The following EDRF1 variants were observed in gnomAD, a reference collection of about 807,000 sequenced individuals.
EDRF1 encodes erythroid differentiation-related factor 1.
In EDRF1, 69 loss-of-function variants were observed where a neutral mutation model predicts 148.7. The observed-to-expected ratio is 0.46, with a 90% CI of 0.38 to 0.57. The LOEUF (loss-of-function observed/expected upper bound fraction) is 0.57. Ranked by LOEUF, EDRF1 falls within the 20% of genes least tolerant of loss-of-function variation. The pLI, the probability that EDRF1 is intolerant of heterozygous loss-of-function variation, is 0.00. For synonymous variants in EDRF1, 515 were observed against 532.8 expected, an observed-to-expected ratio of 0.97 and a Z score of 0.46; for missense variants, 1,118 against 1,478.7, an observed-to-expected ratio of 0.76 and a Z score of 4.00.
intron 24 of EDRF1, among the ~76,000 whole-genome samples, chr10:125,757,890 C>G (rs963603353): frequency 6.6e-6 from 1 of 152,176 alleles, no homozygotes; most frequent in Non-Finnish European, 1.5e-5. Context: ...TTGAGTGTGT[C>G]GTGATGGCTT....
intron 24 of EDRF1, among the ~76,000 whole-genome samples, chr10:125,760,243 A>G (rs1348867602): frequency 1.3e-5 from 2 of 152,256 alleles, no homozygotes; most frequent in Non-Finnish European, 2.9e-5. Flanking sequence ...TAATATAAAT[A>G]TATGATACAT....
Position 125,730,327 on chromosome 10 carries a change from C to T in EDRF1, c.1056C>T (p.Asp352=). Residue 352 remains aspartate (D), a synonymous_variant, in exon 9 of 25, where the codon GAC becomes GAT. Coordinates refer to ENST00000356792, the MANE Select transcript of EDRF1 (RefSeq NM_001202438.2). ...CAATTAATGTGCTAACTGGAATTGA[C>T]TATTGGTTGGACAACTTGATATGCA... ...NKPINVLTGI[D]YWLDNLICNV... The T allele has an allele frequency of 6.2e-7, 1 of 1,613,874 alleles. No homozygotes were observed. Among genetic ancestry groups the T allele is most frequent in the Non-Finnish European group, 8.5e-7 (1 of 1,179,836 alleles).
At chr10:125,758,617 G>A (rs954597629) in intron 24 of EDRF1, among the ~76,000 whole-genome samples, 1 of 152,112 alleles carries the variant, frequency 6.6e-6, no homozygotes, top group Non-Finnish European at 1.5e-5. Flanking sequence ...AGCAGTCCTC[G>A]TGTGTAGGGT....
chr10:125,754,402 T>C (rs971017813), intron 24 of EDRF1, among the ~76,000 whole-genome samples: 1 of 152,236 alleles, frequency 6.6e-6, no homozygotes, highest in Non-Finnish European at 1.5e-5. Context: ...GGGCAAATAC[T>C]CTGTTGTTAA....
rs576880179 is a variant in EDRF1 at position 125,729,601 on chromosome 10, G to A, written c.1016+122G>A. On this transcript the variant is annotated intron_variant, in intron 8 of 24. Coordinates refer to ENST00000356792, the MANE Select transcript of EDRF1 (RefSeq NM_001202438.2). ...CATGCTACCGCACTCCAGCCTAGGCGAAAGAGCAAGACTCGTCTCAAAAAA... is the reference window on the plus strand; with the variant it reads ...CATGCTACCGCACTCCAGCCTAGGCAAAAGAGCAAGACTCGTCTCAAAAAA... The A allele has an allele frequency of 4.6e-5, 56 of 1,228,710 alleles. No homozygotes were observed. In the African/African-American group the frequency reaches 6.4e-4, roughly 14 times the overall value. 76.1% of individuals were successfully genotyped at this position (1,228,710 alleles called of 1,614,324 possible).
intron 21 of EDRF1, chr10:125,748,225 A>T: frequency 1.6e-6 from 1 of 619,892 alleles, no homozygotes; most frequent in South Asian, 1.9e-5. Flanking sequence ...GGGAAAACGA[A>T]TCCGCTGTTG....
In EDRF1 at chr10:125,747,912, A is replaced by AT. The variant is rs1187997695; in HGVS notation, c.3024dup (p.Val1009CysfsTer36). ...ATGATGAAGTCCCTAAAATACTGCG[A>AT]TGTGGATTCAGTGTCTGCTCGACAG... On this transcript the variant is annotated frameshift_variant, in exon 21 of 25. Coordinates refer to ENST00000356792, the MANE Select transcript of EDRF1 (RefSeq NM_001202438.2). LOFTEE classifies it high-confidence loss of function. 1.7e-5 allele frequency: 28 copies of AT among 1,614,230 alleles called. No homozygotes were observed. Among genetic ancestry groups the AT allele is most frequent in the Non-Finnish European group, 2.4e-5 (28 of 1,180,040 alleles).
chr10:125,726,086 G>C (rs1412020969), intron 6 of EDRF1, among the ~76,000 whole-genome samples: 1 of 151,982 alleles, frequency 6.6e-6, no homozygotes, highest in Non-Finnish European at 1.5e-5. Context: ...TATAATAGTT[G>C]ACTGATATGT....
At chr10:125,749,336 A>G in intron 21 of EDRF1, 76 bp from the exon 22 acceptor site, 2 of 1,558,518 alleles carry the variant, frequency 1.3e-6, no homozygotes, top group Admixed American at 3.3e-5. Flanking sequence ...GTGGGGGAAA[A>G]ATAACTAAGA....
intron 18 of EDRF1, among the ~76,000 whole-genome samples, chr10:125,744,211 G>A (rs951279161): frequency 4.0e-5 from 6 of 150,220 alleles, no homozygotes; most frequent in African/African-American, 1.2e-4. Context: ...TTTTGGTTTT[G>A]GTTGTTTCTT....
chr10:125,757,613 T>G (rs1216994970), intron 24 of EDRF1, among the ~76,000 whole-genome samples: 1 of 152,252 alleles, frequency 6.6e-6, no homozygotes, highest in Admixed American at 6.5e-5. Flanking sequence ...CATTTAGCAT[T>G]TGTAGGTGTG....
intron 17 of EDRF1, chr10:125,742,097 G>A (rs1849053400): frequency 1.7e-6 from 1 of 601,640 alleles, no homozygotes; most frequent in Non-Finnish European, 2.7e-6. Flanking sequence ...ATAACAGTTG[G>A]TGAAGGAGGT....
At chr10:125,745,656 G>A in intron 18 of EDRF1, 51 bp from the exon 19 acceptor site, 1 of 1,586,764 alleles carries the variant, frequency 6.3e-7, no homozygotes, top group Non-Finnish European at 8.6e-7. Flanking sequence ...CAGTGCTAAG[G>A]TTTACACTGA....
At chr10:125,730,018 G>C (rs1485432260) in intron 8 of EDRF1, among the ~76,000 whole-genome samples, 1 of 152,188 alleles carries the variant, frequency 6.6e-6, no homozygotes, top group African/African-American at 2.4e-5. Flanking sequence ...GCAGGCAGTA[G>C]GCTCACCGTC....
chr10:125,753,041 C>T, intron 23 of EDRF1, 127 bp downstream of exon 23: 1 of 695,716 alleles, frequency 1.4e-6, no homozygotes, highest in Middle Eastern at 2.4e-4. Flanking sequence ...ATGCTATGCA[C>T]TAAAACATTT....
intron 22 of EDRF1, among the ~76,000 whole-genome samples, chr10:125,750,926 C>CT (rs1046904423): frequency 1.3e-5 from 2 of 152,000 alleles, no homozygotes; most frequent in African/African-American, 4.8e-5. Flanking sequence ...GATCAAGCAT[C>CT]TTTTTTGTTG....
chr10:125,751,404 G>GTTTTTTTTTTTTTTTTTTTTT (rs60964364), intron 22 of EDRF1, among the ~76,000 whole-genome samples: 2 of 140,700 alleles, frequency 1.4e-5, no homozygotes, highest in Non-Finnish European at 1.5e-5. Context: ...TTTACCCAGT[G>GTTTTTTTTTTTTTTTTTTTTT]TTTTTTTTTT....
Position 125,729,038 on chromosome 10 carries a change from G to A in EDRF1, c.828G>A (p.Gly276=), listed in dbSNP as rs913380643. ...CTCTTGAACCCTCATACATAGTGGG[G>A]CATGTGGCCTCAGCCCCCAAAGAAC... The part of the protein sequence containing the change: ...SEPLEPSYIV[G]HVASAPKEQN... The change falls in exon 7 of 25, where the codon GGG becomes GGA. Residue 276 remains glycine (G), a synonymous_variant. Transcript: ENST00000356792. 3 of 1,583,044 alleles carry A rather than the reference G, an allele frequency of 1.9e-6. No individual in the cohort carries two copies. Among genetic ancestry groups the A allele is most frequent in the African/African-American group, 1.3e-5 (1 of 74,696 alleles).
In EDRF1 at chr10:125,725,455, T is replaced by C. The variant is rs764247339; in HGVS notation, c.635+13T>C. ...TTTTATATTACAGGTACTTGGCTACTTATTTATCTCTAAAGAGAAAAAGGG... is the reference window on the plus strand; with the variant it reads ...TTTTATATTACAGGTACTTGGCTACCTATTTATCTCTAAAGAGAAAAAGGG... On this transcript the variant is annotated intron_variant, in intron 5 of 24. Coordinates refer to ENST00000356792, the MANE Select transcript of EDRF1 (RefSeq NM_001202438.2). 1.9e-6 allele frequency: 3 copies of C among 1,613,836 alleles called. No homozygotes were observed. Among genetic ancestry groups the C allele is most frequent in the Non-Finnish European group, 2.5e-6 (3 of 1,179,826 alleles).
Sources: allele counts gnomAD v4.1 joint callset (sites outside exome capture counted in the v4.1 genomes callset), GRCh38; gene constraint gnomAD v4.1.1; transcripts MANE v1.5; gene names NCBI Gene and HGNC (gene_info 2026-07-23, HGNC 2026-07-21).